Variants in SASH1 observed in about 807,000 individuals in gnomAD.
SASH1 encodes the protein SAM and SH3 domain containing 1.
A neutral mutation model predicts 125.2 loss-of-function variants in SASH1; 44 were observed. The ratio of observed to expected loss-of-function variants is 0.35; its 90% CI spans 0.28 to 0.45. SASH1 has a LOEUF of 0.45. Among genes scored for constraint, SASH1 ranks in the 20% least tolerant of loss-of-function variants. The pLI, the probability that SASH1 is intolerant of heterozygous loss-of-function variation, is 1.00. For synonymous variants in SASH1, 639 were observed against 649.1 expected (o/e 0.98, Z 0.24); for missense variants, 1,426 against 1,614.5 (o/e 0.88, Z 2.00).
At chr6:148,213,893 G>A in the SASH1 span, among the ~76,000 whole-genome samples, 2 of 151,980 alleles carry the variant, frequency 1.3e-5, no homozygotes, top group African/African-American at 2.4e-5. Context: ...GATTTACTAG[G>A]GTTCTAAGCC....
At chr6:148,327,417 T>C (rs948835325) in intron 1 of SASH1, among the ~76,000 whole-genome samples, 10 of 151,538 alleles carry the variant, frequency 6.6e-5, no homozygotes, top group Admixed American at 3.9e-4. Flanking sequence ...CCCAAGTAGC[T>C]GGGACCATAG....
At chr6:148,486,160 G>A (rs773743218) in intron 7 of SASH1, among the ~76,000 whole-genome samples, 1 of 151,806 alleles carries the variant, frequency 6.6e-6, no homozygotes, top group Non-Finnish European at 1.5e-5. Context: ...TGCTCTTGTC[G>A]CCCGGGCTGG....
At position 148,548,231 on chromosome 6, in the gene SASH1, T is replaced by C. The variant is rs1583345739; in HGVS notation, c.3481-64T>C. ...ATTTCAGTGCTGTTCCTTTTAGACATACGCGAAGTAGTCCTCGATGACACA... is the reference window on the plus strand; with the variant it reads ...ATTTCAGTGCTGTTCCTTTTAGACACACGCGAAGTAGTCCTCGATGACACA... On this transcript the variant is annotated intron_variant, in intron 19 of 19. Coordinates refer to ENST00000367467, the MANE Select transcript of SASH1 (RefSeq NM_015278.5). 8 of 1,446,178 alleles carry C rather than the reference T, an allele frequency of 5.5e-6. No individual in the cohort carries two copies. In the East Asian group the frequency reaches 1.8e-4, roughly 33 times the overall value. The allele number at this position is 1,446,178 out of a possible 1,614,324, so 89.6% of individuals were successfully genotyped here.
the SASH1 span, among the ~76,000 whole-genome samples, chr6:148,231,967 CTAT>C: frequency 6.6e-6 from 1 of 151,536 alleles, no homozygotes; most frequent in Non-Finnish European, 1.5e-5. Context: ...GAGATGGATA[CTAT>C]TATTATTCAT....
At chr6:148,330,903 A>T (rs1261602673) in intron 1 of SASH1, among the ~76,000 whole-genome samples, 1 of 151,944 alleles carries the variant, frequency 6.6e-6, no homozygotes, top group Non-Finnish European at 1.5e-5. Flanking sequence ...TATTTTTTGT[A>T]TCTCCTAAGC....
intron 2 of SASH1, among the ~76,000 whole-genome samples, chr6:148,434,526 G>C (rs1776214469): frequency 1.3e-5 from 2 of 152,070 alleles, no homozygotes; most frequent in Admixed American, 1.3e-4. Flanking sequence ...ATGCGTTCAT[G>C]TTGGGATATA....
In SASH1 at chr6:148,291,500, A is replaced by T. The variant is rs192843967; in HGVS notation, n.74+19123A>T. ...GTTCAAGACCAGCCTGGCCAATGTG[A>T]CGAAACTCTGTCTCTAAAAAAATAC... On this transcript the variant is annotated intron_variant and non_coding_transcript_variant, in intron 1 of 3. Transcript: ENST00000367469. 6.6e-5 allele frequency among the ~76,000 whole-genome samples: 10 copies of T among 152,172 alleles called. No individual in the cohort carries two copies. The East Asian group carries it at 1.9e-3, about 29-fold the overall frequency.
At chr6:148,215,437 G>A in the SASH1 span, among the ~76,000 whole-genome samples, 1 of 152,150 alleles carries the variant, frequency 6.6e-6, no homozygotes, top group African/African-American at 2.4e-5. Context: ...GACCTAATAT[G>A]TTTAAATCAT....
intron 17 of SASH1, among the ~76,000 whole-genome samples, chr6:148,541,231 G>A (rs79198648): frequency 0.034 from 5,160 of 151,232 alleles, 103 homozygotes; most frequent in Middle Eastern, 0.051. Flanking sequence ...CTTGAAGGCC[G>A]TCATAAAAAA....
At chr6:148,450,861 G>T (rs1476574393) in intron 4 of SASH1, among the ~76,000 whole-genome samples, 1 of 152,030 alleles carries the variant, frequency 6.6e-6, no homozygotes, top group Non-Finnish European at 1.5e-5. Flanking sequence ...TTCAAATCCA[G>T]GTTGTCTTCC....
At chr6:148,348,316 G>A (rs911991055) in intron 1 of SASH1, among the ~76,000 whole-genome samples, 5 of 152,180 alleles carry the variant, frequency 3.3e-5, no homozygotes, top group African/African-American at 1.2e-4. Context: ...TTTGGTTGGG[G>A]TTGCCGAATC....
chr6:148,399,214 CTTTTTTTTTTTT>C (rs371374910), intron 2 of SASH1, among the ~76,000 whole-genome samples: 7 of 106,668 alleles, frequency 6.6e-5, no homozygotes, highest in Admixed American at 2.0e-4. Context: ...ATTTCAGCTT[CTTTTTTTTTTTT>C]TTTTTTTTTT....
In SASH1 at chr6:148,549,082, A is replaced by G. The variant is rs1782744487; in HGVS notation, c.*524A>G. On this transcript the variant is annotated 3_prime_UTR_variant, in exon 20 of 20. Coordinates refer to ENST00000367467, the MANE Select transcript of SASH1 (RefSeq NM_015278.5). ...TGCACCAGGAAAAAAAAAAAAAAAA[A>G]GTCCTGTTCTTCTTTAGATAAACAA... The G allele has an allele frequency of 6.5e-6, 1 of 153,190 alleles. No individual in the cohort carries two copies. Among genetic ancestry groups the G allele is most frequent in the Non-Finnish European group, 1.4e-5 (1 of 69,238 alleles). 9.5% of individuals were successfully genotyped at this position (153,190 alleles called of 1,614,324 possible).
intron 8 of SASH1, among the ~76,000 whole-genome samples, 199 bp downstream of exon 8, chr6:148,487,914 T>G (rs1370030412): frequency 6.7e-6 from 1 of 149,498 alleles, no homozygotes; most frequent in Admixed American, 6.7e-5. Flanking sequence ...CATGCTGGGG[T>G]TTTGTTTTTT....
rs752078853 is a variant in SASH1, at chr6:148,519,578, G to C, written c.894G>C (p.Pro298=). 2.5e-6 allele frequency: 4 copies of C among 1,614,008 alleles called. No individual in the cohort carries two copies. Among genetic ancestry groups the C allele is most frequent in the Non-Finnish European group, 3.4e-6 (4 of 1,179,914 alleles). ...GGEEHVFENS[P]VLDERSALYS... ...AGGAGCACGTGTTTGAGAATTCGCC[G>C]GTCCTGGATGAACGGTCCGCCCTCT... The change falls in exon 10 of 20, where the codon CCG becomes CCC. Residue 298 remains proline (P), a synonymous_variant. Transcript: ENST00000367467. The surrounding 1 kb of genome is among the most constrained non-coding windows in gnomAD (Gnocchi z 4.8).
intron 1 of SASH1, among the ~76,000 whole-genome samples, chr6:148,336,342 A>T (rs1781155072): frequency 6.6e-6 from 1 of 151,128 alleles, no homozygotes; most frequent in Non-Finnish European, 1.5e-5. Flanking sequence ...CGCCCATTAA[A>T]TTTTTTTGTA....
intron 1 of SASH1, among the ~76,000 whole-genome samples, chr6:148,308,418 G>A (rs1194072782): frequency 6.2e-5 from 9 of 145,116 alleles, no homozygotes; most frequent in African/African-American, 2.0e-4. Context: ...TTTTTGAGAT[G>A]GAGTTTCACT....
At chr6:148,458,982 A>AG (rs1777486435) in intron 4 of SASH1, among the ~76,000 whole-genome samples, 6 of 66,010 alleles carry the variant, frequency 9.1e-5, no homozygotes, top group South Asian at 6.1e-4. Flanking sequence ...AAAAAAAAGT[A>AG]TACACACACA....
intron 8 of SASH1, among the ~76,000 whole-genome samples, chr6:148,490,053 C>T (rs1779040326): frequency 8.3e-6 from 1 of 120,390 alleles, no homozygotes; most frequent in African/African-American, 2.9e-5. Flanking sequence ...AAGATCATGT[C>T]TTCTGCAAAA....
Sources: gnomAD v4.1 joint callset for allele counts (sites outside exome capture counted in the v4.1 genomes callset) on GRCh38, gnomAD v4.1.1 for gene constraint, Gnocchi (gnomAD v3.1) non-coding constraint, MANE v1.5 for transcripts, NCBI Gene and HGNC (gene_info 2026-07-23, HGNC 2026-07-21) for gene names.